Variants in SPTBN4 observed in about 807,000 individuals in gnomAD.
SPTBN4 encodes spectrin beta, non-erythrocytic 4, also known as spectrin beta chain, non-erythrocytic 4.
Under a neutral mutation model 277.8 loss-of-function variants are expected in SPTBN4, and 96 were observed. That is an observed-to-expected ratio of 0.35 (90% confidence interval 0.29 to 0.41). The LOEUF is 0.41. SPTBN4 is among the 10% of genes least tolerant of loss of function. SPTBN4 has a pLI of 1.00. For missense variants in SPTBN4, 3,006 were observed against 3,595.7 expected, an observed-to-expected ratio of 0.84 and a Z score of 4.19; for synonymous variants, 1,481 against 1,580.3, an observed-to-expected ratio of 0.94 and a Z score of 1.49.
intron 22 of SPTBN4, among the ~76,000 whole-genome samples, chr19:40,552,847 C>T (rs2080933974): frequency 6.6e-6 from 1 of 152,158 alleles, no homozygotes; most frequent in Non-Finnish European, 1.5e-5. Context: ...ATTGGGGGAG[C>T]TCAGCTGTGT....
chr19:40,471,444 ATTG>A (rs1028265504), intron 1 of SPTBN4, among the ~76,000 whole-genome samples: 1 of 152,222 alleles, frequency 6.6e-6, no homozygotes, highest in African/African-American at 2.4e-5. Flanking sequence ...TATGTTCATT[ATTG>A]TTATTACTGC....
intron 19 of SPTBN4, among the ~76,000 whole-genome samples, chr19:40,533,284 C>A (rs948627455): frequency 6.6e-6 from 1 of 152,134 alleles, no homozygotes; most frequent in African/African-American, 2.4e-5. Flanking sequence ...TAGCTACTTC[C>A]TGGGCTCTGT....
intron 18 of SPTBN4, among the ~76,000 whole-genome samples, chr19:40,532,091 G>A (rs903038414): frequency 2.6e-5 from 4 of 151,278 alleles, no homozygotes; most frequent in Non-Finnish European, 5.9e-5. Context: ...TGTTTGGGGG[G>A]TTTATCTGGC....
rs150954191 is a variant in SPTBN4 at position 40,550,188 on chromosome 19, G to T, written c.4585-50G>T. ...GGTTTAAAGTTTAGTTGCGATGCAG[G>T]GGTTCTTGGATGCATTCTCCCCTTG... On this transcript the variant is annotated intron_variant, in intron 21 of 35. Coordinates refer to ENST00000598249, the MANE Select transcript of SPTBN4 (RefSeq NM_020971.3). The T allele has an allele frequency of 2.1e-4, 326 of 1,524,808 alleles. 2 individuals carry two copies. The African/African-American group carries it at 4.1e-3, about 19-fold the overall frequency. 94.5% of individuals were successfully genotyped at this position (1,524,808 alleles called of 1,614,324 possible).
intron 6 of SPTBN4, among the ~76,000 whole-genome samples, chr19:40,495,464 A>G (rs2080185815): frequency 1.3e-5 from 2 of 152,018 alleles, no homozygotes; most frequent in Non-Finnish European, 2.9e-5. Context: ...CCAACATGGC[A>G]AAACCCCATC....
At chr19:40,564,184 G>A (rs1287346708) in intron 27 of SPTBN4, among the ~76,000 whole-genome samples, 1 of 150,338 alleles carries the variant, frequency 6.7e-6, no homozygotes, top group East Asian at 2.0e-4. Flanking sequence ...TTGAAACCCT[G>A]TTTCTACTAA....
At chr19:40,522,317 C>T (rs970686752) in intron 16 of SPTBN4, among the ~76,000 whole-genome samples, 6 of 151,164 alleles carry the variant, frequency 4.0e-5, no homozygotes, top group East Asian at 1.9e-4. Context: ...CATGAGCCAC[C>T]GTGCCCAGCC....
At chr19:40,470,152 C>A (rs1410481912) in intron 1 of SPTBN4, among the ~76,000 whole-genome samples, 1 of 151,668 alleles carries the variant, frequency 6.6e-6, no homozygotes, top group Non-Finnish European at 1.5e-5. Flanking sequence ...GTGCACAATG[C>A]CATGCCTGGC....
In SPTBN4 at chr19:40,519,327, C is replaced by G; in HGVS notation, c.2904-74C>G. On this transcript the variant is annotated intron_variant, in intron 15 of 35. Coordinates refer to ENST00000598249, the MANE Select transcript of SPTBN4 (RefSeq NM_020971.3). The surrounding 1 kb of genome is among the most constrained non-coding windows in gnomAD (Gnocchi z 5.7). ...CTGGGTGGCTTGGGCCTGGATTCTA[C>G]CCTGGGTCGGCGGGCCCTCCGCGCC... 1.4e-6 allele frequency: 2 copies of G among 1,402,522 alleles called. No individual in the cohort carries two copies. Among genetic ancestry groups the G allele is most frequent in the Non-Finnish European group, 1.9e-6 (2 of 1,079,040 alleles). 86.9% of individuals were successfully genotyped at this position (1,402,522 alleles called of 1,614,324 possible). A position where few individuals can be genotyped will look rare whatever the true frequency, so the allele number is the denominator to read the frequency against.
chr19:40,501,884 C>T (rs1298246835), intron 7 of SPTBN4, 37 bp from the exon 8 acceptor site: 2 of 1,563,012 alleles, frequency 1.3e-6, no homozygotes, highest in East Asian at 2.2e-5. Flanking sequence ...TGTCAAAGTG[C>T]CCACTGTCTT....
intron 7 of SPTBN4, among the ~76,000 whole-genome samples, chr19:40,500,316 A>G (rs775581296): frequency 2.6e-5 from 4 of 152,216 alleles, no homozygotes; most frequent in Non-Finnish European, 4.4e-5. Context: ...AATCTTTATT[A>G]TAACAATGGG....
intron 22 of SPTBN4, among the ~76,000 whole-genome samples, chr19:40,552,584 C>T (rs1312662982): frequency 6.6e-6 from 1 of 151,460 alleles, no homozygotes; most frequent in African/African-American, 2.4e-5. Context: ...TTGTCATTAT[C>T]CTCATTTCAC....
chr19:40,488,863 A>G lies in SPTBN4; in HGVS notation c.321+1015A>G, dbSNP rs112449686. ...TTTTAAATAGATACGAGGCGTCACTATGTTGCCCAGGCTGATCTAGAACTC... is the reference window on the plus strand; with the variant it reads ...TTTTAAATAGATACGAGGCGTCACTGTGTTGCCCAGGCTGATCTAGAACTC... On this transcript the variant is annotated intron_variant, in intron 3 of 35. Coordinates refer to ENST00000598249, the MANE Select transcript of SPTBN4 (RefSeq NM_020971.3). Among the ~76,000 whole-genome samples the G allele has an allele frequency of 5.5e-3, 830 of 151,460 alleles. 4 individuals are homozygous for G. Among genetic ancestry groups the G allele is most frequent in the African/African-American group, 0.019 (774 of 41,260 alleles).
In SPTBN4 at chr19:40,557,263, C is replaced by G. The variant is rs749322650; in HGVS notation, c.5530C>G (p.Arg1844Gly). 2.5e-6 allele frequency: 4 copies of G among 1,613,670 alleles called. No homozygotes were observed. The highest frequency in any genetic ancestry group is 1.7e-6 in the Non-Finnish European group (2 of 1,179,876). Reference protein sequence around the residue: ...RELHKFFSDARELQGQIEEKR... With the variant: ...RELHKFFSDAGELQGQIEEKR... ...GCTTCATAAGTTCTTCAGTGACGCC[C>G]GAGAGCTTCAGGGACAGATTGAGGA... The change falls in exon 26 of 36, where the codon CGA (arginine) becomes GGA (glycine). Residue 1844 changes from arginine (R) to glycine (G), a missense_variant. Physicochemically the swap from Arg to Gly is moderately radical, Grantham distance 125 (BLOSUM62 -2). Coordinates refer to ENST00000598249, the MANE Select transcript of SPTBN4 (RefSeq NM_020971.3).
intron 31 of SPTBN4, among the ~76,000 whole-genome samples, chr19:40,569,374 G>T (rs377418005): frequency 2.7e-5 from 4 of 148,626 alleles, no homozygotes; most frequent in East Asian, 3.9e-4. Context: ...GCAGTGAGCC[G>T]AGATCATGCA....
intron 24 of SPTBN4, among the ~76,000 whole-genome samples, chr19:40,555,563 C>T (rs1229942465): frequency 6.6e-6 from 1 of 151,050 alleles, no homozygotes; most frequent in Non-Finnish European, 1.5e-5. Flanking sequence ...GTGAGCTTAT[C>T]CATTTAGGGA....
intron 22 of SPTBN4, among the ~76,000 whole-genome samples, chr19:40,551,393 T>C (rs1479192628): frequency 8.5e-6 from 1 of 118,284 alleles, no homozygotes; most frequent in Non-Finnish European, 1.8e-5. Context: ...TATCTCTCTC[T>C]CTCTCTCACA....
chr19:40,482,944 G>A (rs2080028920), intron 2 of SPTBN4, among the ~76,000 whole-genome samples: 1 of 152,042 alleles, frequency 6.6e-6, no homozygotes, highest in Non-Finnish European at 1.5e-5. Context: ...CTGGGAGACA[G>A]AGGGAGACTC....
At chr19:40,506,931 C>T (rs2080337481) in intron 13 of SPTBN4, among the ~76,000 whole-genome samples, 2 of 152,022 alleles carry the variant, frequency 1.3e-5, no homozygotes, top group Admixed American at 1.3e-4. Flanking sequence ...CTTCAGTGAG[C>T]CATGATCATG....
Sources: allele counts gnomAD v4.1 joint callset (sites outside exome capture counted in the v4.1 genomes callset), GRCh38; gene constraint gnomAD v4.1.1; non-coding constraint Gnocchi (gnomAD v3.1); transcripts MANE v1.5; gene names NCBI Gene and HGNC (gene_info 2026-07-23, HGNC 2026-07-21).